The following LRRTM3 variants were observed in gnomAD, a reference collection of about 807,000 sequenced individuals.
LRRTM3 encodes leucine rich repeat transmembrane neuronal 3, also known as leucine-rich repeat transmembrane neuronal protein 3.
LRRTM3 carries 24 observed loss-of-function variants against 44.7 expected under a neutral mutation model. The ratio of observed to expected loss-of-function variants is 0.54; its 90% confidence interval spans 0.39 to 0.76. LRRTM3 has a LOEUF of 0.76. Among genes scored for constraint, LRRTM3 ranks in the 30% least tolerant of loss-of-function variants. The probability of loss-of-function intolerance (pLI) is 0.00; values close to 1 mark genes in which losing one functional copy is unlikely to be tolerated. For missense variants in LRRTM3, 587 were observed against 702.2 expected, an observed-to-expected ratio of 0.84 and a Z score of 1.85; for synonymous variants, 277 against 278.7, an observed-to-expected ratio of 0.99 and a Z score of 0.06.
At chr10:67,025,211 A>G (rs1853292807) in intron 2 of LRRTM3, among the ~76,000 whole-genome samples, 6 of 151,784 alleles carry the variant, frequency 4.0e-5, no homozygotes, top group Admixed American at 3.9e-4. Flanking sequence ...ATTTTTCAGT[A>G]TCACCCACCA....
At chr10:66,928,681 G>A in intron 2 of LRRTM3, among the ~76,000 whole-genome samples, 1 of 152,116 alleles carries the variant, frequency 6.6e-6, no homozygotes. Context: ...TCAATGTGAA[G>A]CTTGAACTCC....
chr10:67,098,721 T>G lies in LRRTM3; in HGVS notation c.*925T>G, dbSNP rs1858158722. ...TACAGTTAAAAGGTGCAGCTGCCAG[T>G]GACAAATAAAAACTTTTGTTACATC... On this transcript the variant is annotated 3_prime_UTR_variant, in exon 3 of 3. Transcript: ENST00000361320. 6.6e-6 allele frequency: 1 copy of G among 152,308 alleles called. No homozygotes were observed. The highest frequency in any genetic ancestry group is 1.5e-5 in the Non-Finnish European group (1 of 67,914). The allele number at this position is 152,308 out of a possible 1,614,324, so 9.4% of individuals were successfully genotyped here.
intron 2 of LRRTM3, among the ~76,000 whole-genome samples, chr10:66,952,245 A>T (rs1672660484): frequency 6.6e-6 from 1 of 152,208 alleles, no homozygotes; most frequent in African/African-American, 2.4e-5. Flanking sequence ...ATTGTAATTG[A>T]AACTATGCAG....
intron 2 of LRRTM3, among the ~76,000 whole-genome samples, chr10:67,043,359 C>T (rs1384882454): frequency 6.6e-6 from 1 of 151,970 alleles, no homozygotes; most frequent in Non-Finnish European, 1.5e-5. Flanking sequence ...AGAACCACAG[C>T]AATAATAGTG....
intron 2 of LRRTM3, among the ~76,000 whole-genome samples, chr10:67,034,089 G>T (rs1853897515): frequency 6.6e-6 from 1 of 152,016 alleles, no homozygotes; most frequent in African/African-American, 2.4e-5. Flanking sequence ...CTTCTTAAAA[G>T]GAAAAATAAG....
intron 2 of LRRTM3, among the ~76,000 whole-genome samples, chr10:67,061,549 G>T (rs1925589): frequency 0.64 from 97,424 of 151,944 alleles, 32,759 homozygotes; most frequent in African/African-American, 0.86. Context: ...TCCCTTAACA[G>T]GCATATCAAA....
intron 2 of LRRTM3, among the ~76,000 whole-genome samples, chr10:66,999,514 G>A (rs750989453): frequency 1.4e-4 from 21 of 149,536 alleles, no homozygotes; most frequent in South Asian, 6.5e-4. Flanking sequence ...CATTCTTCTA[G>A]CTTCAATCAC....
chr10:67,054,658 A>T (rs541953967), intron 2 of LRRTM3: 9 of 152,274 alleles, frequency 5.9e-5, no homozygotes, highest in Non-Finnish European at 1.3e-4. Flanking sequence ...AGACAGAAAC[A>T]ATGTCACAAA....
At chr10:67,015,051 T>TA (rs1351429779) in intron 2 of LRRTM3, among the ~76,000 whole-genome samples, 1 of 152,020 alleles carries the variant, frequency 6.6e-6, no homozygotes, top group African/African-American at 2.4e-5. Context: ...AAAGTTGAGG[T>TA]AAAAAATGGA....
chr10:66,933,173 A>G (rs1302148197), intron 2 of LRRTM3, among the ~76,000 whole-genome samples: 1 of 152,180 alleles, frequency 6.6e-6, no homozygotes, highest in Non-Finnish European at 1.5e-5. Context: ...GAAATCAGTA[A>G]CCTCCATGTT....
At chr10:67,082,085 G>A (rs1857085897) in intron 2 of LRRTM3, among the ~76,000 whole-genome samples, 1 of 152,196 alleles carries the variant, frequency 6.6e-6, no homozygotes, top group African/African-American at 2.4e-5. Flanking sequence ...GCAGATTGCA[G>A]TCAGCATTCT....
At chr10:67,066,424 C>T (rs1856088359) in intron 2 of LRRTM3, among the ~76,000 whole-genome samples, 2 of 151,614 alleles carry the variant, frequency 1.3e-5, no homozygotes, top group Non-Finnish European at 2.9e-5. Context: ...ATCTCTTGAC[C>T]TCGTGATCCG....
chr10:66,938,762 A>G (rs148032192), intron 2 of LRRTM3, among the ~76,000 whole-genome samples: 325 of 152,280 alleles, frequency 2.1e-3, no homozygotes, highest in African/African-American at 7.5e-3. Context: ...TTCCTGTGAT[A>G]GTTACCAAAG....
chr10:66,969,851 A>G (rs1214985887), intron 2 of LRRTM3, among the ~76,000 whole-genome samples: 1 of 152,110 alleles, frequency 6.6e-6, no homozygotes. Context: ...GACCCTCTAT[A>G]TTTCCACAAC....
At chr10:66,946,506 T>A (rs191744573) in intron 2 of LRRTM3, among the ~76,000 whole-genome samples, 165 of 152,144 alleles carry the variant, frequency 1.1e-3, no homozygotes, top group African/African-American at 3.7e-3. Context: ...ACAGAACACA[T>A]CAGCAGTGTT....
chr10:67,044,700 T>A (rs903990892), intron 2 of LRRTM3, among the ~76,000 whole-genome samples: 4 of 152,302 alleles, frequency 2.6e-5, no homozygotes, highest in South Asian at 2.1e-4. Context: ...CACCTTTTTT[T>A]AAAAGAACTC....
At chr10:67,032,047 C>T (rs558216825) in intron 2 of LRRTM3, among the ~76,000 whole-genome samples, 44 of 152,128 alleles carry the variant, frequency 2.9e-4, no homozygotes, top group Non-Finnish European at 5.6e-4. Context: ...GCCTTCTTTT[C>T]CAGTAAAATG....
chr10:67,044,859 A>G (rs754918403), intron 2 of LRRTM3, among the ~76,000 whole-genome samples: 1 of 152,190 alleles, frequency 6.6e-6, no homozygotes, highest in African/African-American at 2.4e-5. Flanking sequence ...GCCACTTTCT[A>G]GCTTTATGAC....
rs61701646 is a variant in LRRTM3, at chr10:66,952,419, G to C, written c.1536+23967G>C. On this transcript the variant is annotated intron_variant, in intron 2 of 2. Transcript: ENST00000361320. ...ATAAGCAACGCATCTGTAGCAGCCA[G>C]AAAGTAAATTTTTTAAGCTACGAAG... Among the ~76,000 whole-genome samples, 1,141 of 152,280 alleles carry C rather than the reference G, an allele frequency of 7.5e-3. 16 individuals are homozygous for C. Among genetic ancestry groups the C allele is most frequent in the African/African-American group, 0.026 (1,088 of 41,552 alleles).
Sources: gnomAD v4.1 joint callset for allele counts (sites outside exome capture counted in the v4.1 genomes callset) on GRCh38, gnomAD v4.1.1 for gene constraint, MANE v1.5 for transcripts, NCBI Gene and HGNC (gene_info 2026-07-23, HGNC 2026-07-21) for gene names.